FER1L6: variants seen among roughly 807,000 people sequenced by gnomAD.
FER1L6 encodes fer-1 like family member 6.
In FER1L6, 177 loss-of-function variants were observed where a neutral mutation model predicts 219.2. The observed-to-expected ratio is 0.81, with a 90% CI of 0.71 to 0.91. The LOEUF is 0.91. FER1L6 is among the 40% of genes least tolerant of loss of function. FER1L6 has a pLI of 0.00. For missense variants in FER1L6, 2,153 were observed against 2,259.9 expected, an observed-to-expected ratio of 0.95 and a Z score of 0.96; for synonymous variants, 768 against 824.3, an observed-to-expected ratio of 0.93 and a Z score of 1.17.
chr8:124,080,641 C>T (rs1261126231), intron 32 of FER1L6, among the ~76,000 whole-genome samples: 1 of 152,108 alleles, frequency 6.6e-6, no homozygotes, highest in Non-Finnish European at 1.5e-5. Flanking sequence ...CTTTTATTGA[C>T]AGCTCCATTT....
Position 123,975,898 on chromosome 8 carries a change from G to C in FER1L6, c.684G>C (p.Lys228Asn). ...KTSDTEEPIEKNLLIPNGFPL... is the reference protein window; with the variant it reads ...KTSDTEEPIENNLLIPNGFPL... ...TCATTTGTTTTTGTCTCCCTCTAAG[G>C]AACCTTTTGATCCCCAATGGGTTTC... is the stretch of plus-strand genomic sequence containing the variant. Residue 228 changes from lysine (K) to asparagine (N), a missense_variant and splice_region_variant, in exon 9 of 41, where the codon AAG (lysine) becomes AAC (asparagine). Transcript: ENST00000522917. 7 of 1,571,248 alleles carry C rather than the reference G, an allele frequency of 4.5e-6. No homozygotes were observed. Among genetic ancestry groups the C allele is most frequent in the Non-Finnish European group, 6.1e-6 (7 of 1,155,848 alleles).
chr8:123,958,470 G>A (rs766125043), intron 2 of FER1L6, among the ~76,000 whole-genome samples: 2 of 152,126 alleles, frequency 1.3e-5, no homozygotes, highest in South Asian at 2.1e-4. Flanking sequence ...CCTTTCCTTC[G>A]GGGTTCCAGT....
chr8:124,037,627 C>T (rs998515270), intron 19 of FER1L6, among the ~76,000 whole-genome samples: 24 of 152,294 alleles, frequency 1.6e-4, no homozygotes, highest in Admixed American at 1.6e-3. Flanking sequence ...TTTCCAAATC[C>T]TTTGCAGGAT....
intron 11 of FER1L6, chr8:123,985,827 T>TA (rs566292700): frequency 3.6e-4 from 142 of 395,496 alleles, no homozygotes; most frequent in African/African-American, 2.8e-3. Flanking sequence ...AGTTTTGTTT[T>TA]AAGGTAGAAG....
At chr8:123,905,416 C>CT (rs776631900) in intron 1 of FER1L6, among the ~76,000 whole-genome samples, 15 of 152,078 alleles carry the variant, frequency 9.9e-5, no homozygotes, top group Non-Finnish European at 2.1e-4. Flanking sequence ...GATCTCATTC[C>CT]TTTTTATGGC....
At chr8:123,866,754 A>G (rs2130267426) in intron 1 of FER1L6, among the ~76,000 whole-genome samples, 1 of 152,210 alleles carries the variant, frequency 6.6e-6, no homozygotes, top group East Asian at 1.9e-4. Context: ...AGTAGTGAGG[A>G]CCACAGGTGC....
At chr8:123,914,395 T>C (rs1233813210) in intron 1 of FER1L6, among the ~76,000 whole-genome samples, 2 of 152,076 alleles carry the variant, frequency 1.3e-5, no homozygotes, top group Non-Finnish European at 2.9e-5. Flanking sequence ...CGTCAGTGGG[T>C]GGGGATGGTT....
intron 1 of FER1L6, among the ~76,000 whole-genome samples, chr8:123,869,187 A>G (rs16898973): frequency 1.3e-5 from 2 of 152,300 alleles, no homozygotes; most frequent in South Asian, 2.1e-4. Context: ...AAGAGTTAAT[A>G]TTTTAGTGTT....
chr8:123,994,395 T>C (rs1214792270), intron 12 of FER1L6, among the ~76,000 whole-genome samples: 1 of 152,032 alleles, frequency 6.6e-6, no homozygotes, highest in Non-Finnish European at 1.5e-5. Context: ...GGGCAATGCT[T>C]CAAGAAAGAG....
chr8:124,112,107 C>T lies in FER1L6; in HGVS notation c.5290-6737C>T, dbSNP rs1209534359. On this transcript the variant is annotated intron_variant, in intron 39 of 40. Coordinates refer to ENST00000522917, the MANE Select transcript of FER1L6 (RefSeq NM_001039112.2). ...TTCTGTTTCCATGTGTATAAAATCA[C>T]TAGGTTAGACTGGGTGCCTCCAACA... is the stretch of plus-strand genomic sequence containing the variant. Among the ~76,000 whole-genome samples the T allele has an allele frequency of 3.9e-5, 6 of 152,190 alleles. No homozygotes were observed. In the East Asian group the frequency reaches 1.2e-3, roughly 29 times the overall value.
chr8:123,895,998 G>C (rs1157281129), intron 1 of FER1L6, among the ~76,000 whole-genome samples: 2 of 152,166 alleles, frequency 1.3e-5, no homozygotes, highest in African/African-American at 4.8e-5. Context: ...GCATAGCCCA[G>C]GCTGTCTGTG....
intron 13 of FER1L6, among the ~76,000 whole-genome samples, chr8:124,006,115 G>T (rs919563500): frequency 1.3e-5 from 2 of 152,216 alleles, no homozygotes; most frequent in African/African-American, 4.8e-5. Flanking sequence ...GGGAACAGCT[G>T]GATCTGCAGT....
Position 124,101,127 on chromosome 8 carries a change from G to A in FER1L6, c.4914G>A (p.Gln1638=), listed in dbSNP as rs758833261. The A allele has an allele frequency of 9.9e-6, 16 of 1,613,588 alleles. No homozygotes were observed. The African/African-American group carries it at 2.0e-4, about 20-fold the overall frequency. Residue 1638 remains glutamine, a synonymous_variant, in exon 38 of 41, where the codon CAG becomes CAA. Coordinates refer to ENST00000522917, the MANE Select transcript of FER1L6 (RefSeq NM_001039112.2). Reference sequence around the variant, plus strand: ...TAAAGGGCTTGGAGGATGACAAGCAGGAGACAGATGTGCATTACAACTCCC... The same window carrying A: ...TAAAGGGCTTGGAGGATGACAAGCAAGAGACAGATGTGCATTACAACTCCC... ...GWLKGLEDDK[Q]ETDVHYNSLT...
At chr8:124,109,265 G>A (rs1008626440) in intron 39 of FER1L6, among the ~76,000 whole-genome samples, 9 of 152,148 alleles carry the variant, frequency 5.9e-5, no homozygotes, top group African/African-American at 1.2e-4. Flanking sequence ...CAGGTATGAC[G>A]TTTACATAGG....
intron 36 of FER1L6, 42 bp from the exon 37 acceptor site, chr8:124,097,743 C>A: frequency 1.8e-6 from 2 of 1,086,370 alleles, no homozygotes; most frequent in Non-Finnish European, 2.9e-6. Context: ...ACTGACTCAG[C>A]TTTCAAGGTC....
intron 6 of FER1L6, among the ~76,000 whole-genome samples, 164 bp from the exon 7 acceptor site, chr8:123,973,270 G>A (rs1490442553): frequency 6.6e-6 from 1 of 152,192 alleles, no homozygotes; most frequent in African/African-American, 2.4e-5. Context: ...ATCCTGCTAA[G>A]AGCAAGAAAT....
In FER1L6 at chr8:124,066,310, AT is replaced by A. The variant is rs944306264; in HGVS notation, c.3556-117del. The A allele has an allele frequency of 8.8e-6, 10 of 1,137,098 alleles. No homozygotes were observed. In the African/African-American group the frequency reaches 1.4e-4, roughly 16 times the overall value. The allele number at this position is 1,137,098 out of a possible 1,614,324, so 70.4% of individuals were successfully genotyped here. A position where few individuals can be genotyped will look rare whatever the true frequency, so the allele number is the denominator to read the frequency against. ...AGAGCTGCTATCACAAAACCAGTGG[AT>A]ACCTCTGTGTGTTTTCCAGTGGACA... On this transcript the variant is annotated intron_variant, in intron 26 of 40. Transcript: ENST00000522917.
chr8:123,973,369 A>C (rs775471672), intron 6 of FER1L6, 65 bp from the exon 7 acceptor site: 58 of 1,329,780 alleles, frequency 4.4e-5, no homozygotes, highest in Non-Finnish European at 6.3e-5. Flanking sequence ...TCAAAGCTAG[A>C]CAAGGGTCAA....
chr8:123,976,256 C>T (rs565007168), intron 9 of FER1L6, among the ~76,000 whole-genome samples, 172 bp downstream of exon 9: 59 of 152,306 alleles, frequency 3.9e-4, no homozygotes, highest in African/African-American at 1.3e-3. Context: ...AATCCCAGCA[C>T]TTTGGCAGGC....
Sources: allele counts gnomAD v4.1 joint callset (sites outside exome capture counted in the v4.1 genomes callset), GRCh38; gene constraint gnomAD v4.1.1; transcripts MANE v1.5; gene names NCBI Gene and HGNC (gene_info 2026-07-23, HGNC 2026-07-21).